RASA2: variants seen among roughly 807,000 people sequenced by gnomAD.
RASA2 encodes RAS p21 protein activator 2, also known as ras GTPase-activating protein 2.
A neutral mutation model predicts 118.2 loss-of-function variants in RASA2; 155 were observed. The observed-to-expected ratio is 1.31, with a 90% CI of 1.15 to 1.50. The LOEUF is 1.50. Among genes scored for constraint, RASA2 ranks in the 40% most tolerant of loss-of-function variants. The pLI is 0.00. For synonymous variants in RASA2, 353 were observed against 349.1 expected (o/e 1.01, Z -0.12); for missense variants, 1,016 against 1,009.6 (o/e 1.01, Z -0.09).
chr3:141,512,185 A>G lies in RASA2; in HGVS notation c.156A>G (p.Pro52=), dbSNP rs143703190. 2.0e-5 allele frequency: 32 copies of G among 1,607,624 alleles called. No individual in the cohort carries two copies. In the African/African-American group the frequency reaches 2.2e-4, roughly 11 times the overall value. ...GKICEAKNLL[P]YLGPHKMRDC... is the part of the protein sequence containing the mutation. The stretch of plus-strand genomic sequence containing the variant: ...CAGGTGAAGCAAAAAATTTATTGCC[A>G]TATCTTGGACCCCACAAAATGAGAG... Residue 52 remains proline (P), a synonymous_variant, in exon 2 of 24, where the codon CCA becomes CCG. Transcript: ENST00000286364.
rs547074099 is a variant in RASA2, at chr3:141,532,995, G to GA, written c.450+3200dup. 4.6e-5 allele frequency among the ~76,000 whole-genome samples: 7 copies of GA among 152,022 alleles called. No homozygotes were observed. In the South Asian group the frequency reaches 1.5e-3, roughly 32 times the overall value. On this transcript the variant is annotated intron_variant, in intron 4 of 23. Transcript: ENST00000286364. ...TTTGCTTTGCAAAATATAAAGGAAA[G>GA]AAAAAAACACCATTTTGAGATGCCA...
Position 141,572,061 on chromosome 3 carries a change from T to TATATATATATATAC in RASA2, c.1169+508_1169+509insTATATATATATACA, listed in dbSNP as rs1250945462. On this transcript the variant is annotated intron_variant, in intron 11 of 23. Coordinates refer to ENST00000286364, the MANE Select transcript of RASA2 (RefSeq NM_006506.5). Reference sequence around the variant, plus strand: ...ATATATATATATATATATATATATATACACACACACACACACATATGTATT... The same window carrying TATATATATATATAC: ...ATATATATATATATATATATATATATATATATATATATACACACACACACACACACATATGTATT... 1.5e-4 allele frequency among the ~76,000 whole-genome samples: 15 copies of TATATATATATATAC among 98,242 alleles called. No homozygotes were observed. The East Asian group carries it at 3.4e-3, about 22-fold the overall frequency. The allele number at this position is 98,242 out of a possible 152,430, so 64.5% of individuals were successfully genotyped here.
intron 5 of RASA2, among the ~76,000 whole-genome samples, chr3:141,543,284 C>A (rs1047939956): frequency 6.6e-6 from 1 of 151,902 alleles, no homozygotes; most frequent in South Asian, 2.1e-4. Flanking sequence ...CAACATTTTA[C>A]CAATTAGAAT....
chr3:141,606,964 T>A (rs1460047808), intron 19 of RASA2, among the ~76,000 whole-genome samples: 1 of 152,220 alleles, frequency 6.6e-6, no homozygotes, highest in African/African-American at 2.4e-5. Context: ...CTATGTGAGA[T>A]ATAATTTATT....
chr3:141,594,928 A>G (rs1281371665), intron 19 of RASA2, among the ~76,000 whole-genome samples: 1 of 152,206 alleles, frequency 6.6e-6, no homozygotes, highest in East Asian at 1.9e-4. Flanking sequence ...AATGTATAAC[A>G]TTTAATTATA....
chr3:141,491,907 C>G (rs9840697), intron 1 of RASA2, among the ~76,000 whole-genome samples: 38,491 of 151,976 alleles, frequency 0.25, 5,472 homozygotes, highest in Non-Finnish European at 0.32. Context: ...AAGTATAAAT[C>G]AAAACATTTT....
chr3:141,529,720 T>G lies in RASA2; in HGVS notation c.368T>G (p.Ile123Ser). 6.2e-7 allele frequency: 1 copy of G among 1,610,366 alleles called. No homozygotes were observed. Among genetic ancestry groups the G allele is most frequent in the Non-Finnish European group, 8.5e-7 (1 of 1,177,396 alleles). The change falls in exon 4 of 24, where the codon ATC (isoleucine) becomes AGC (serine). Residue 123 changes from isoleucine (I) to serine (S), a missense_variant. This residue lies in a region of RASA2 where 896 missense variants were observed against 836.4 expected (regional missense o/e 1.07). Coordinates refer to ENST00000286364, the MANE Select transcript of RASA2 (RefSeq NM_006506.5). The part of the protein sequence containing the change: ...QRDLRIGKVA[I>S]KKEDLCNHSG... ...TTATTTTCTGTAGGAAAAGTAGCCA[T>G]CAAAAAAGAAGACTTGTGTAATCAC... is the stretch of plus-strand genomic sequence containing the variant.
In RASA2 at chr3:141,547,212, A is replaced by AT. The variant is rs796081865; in HGVS notation, c.527+6613dup. ...TTTGTGGTTTCATATAAATTTTGGGATTTTTTTTTTCTATTTCTGTGAAGA... is the reference window on the plus strand; with the variant it reads ...TTTGTGGTTTCATATAAATTTTGGGATTTTTTTTTTTCTATTTCTGTGAAGA... On this transcript the variant is annotated intron_variant, in intron 5 of 23. Coordinates refer to ENST00000286364, the MANE Select transcript of RASA2 (RefSeq NM_006506.5). Among the ~76,000 whole-genome samples, 1,081 of 148,994 alleles carry AT rather than the reference A, an allele frequency of 7.3e-3. 15 individuals carry two copies. The highest frequency in any genetic ancestry group is 0.025 in the African/African-American group (1,005 of 40,644).
rs541048715 is a variant in RASA2 at position 141,526,345 on chromosome 3, T to TA, written c.356-3362dup. Reference sequence around the variant, plus strand: ...ATCAGAATCGTGAGGCTTTTTTTTTTATTCTATTTGTGTTTCAGAAACTTG... The same window carrying TA: ...ATCAGAATCGTGAGGCTTTTTTTTTTAATTCTATTTGTGTTTCAGAAACTTG... On this transcript the variant is annotated intron_variant, in intron 3 of 23. Transcript: ENST00000286364. Among the ~76,000 whole-genome samples the TA allele has an allele frequency of 1.4e-3, 211 of 152,144 alleles. 1 individual carries two copies. Among genetic ancestry groups the TA allele is most frequent in the African/African-American group, 4.0e-3 (168 of 41,514 alleles).
At chr3:141,532,869 T>C (rs972571361) in intron 4 of RASA2, among the ~76,000 whole-genome samples, 1 of 152,188 alleles carries the variant, frequency 6.6e-6, no homozygotes, top group African/African-American at 2.4e-5. Context: ...ACTGTGCTTA[T>C]TGAGCATAAG....
chr3:141,505,569 A>G (rs778824862), intron 1 of RASA2, among the ~76,000 whole-genome samples: 5 of 152,222 alleles, frequency 3.3e-5, no homozygotes, highest in Non-Finnish European at 5.9e-5. Flanking sequence ...CTGCTACAGC[A>G]TAATTTGTGG....
intron 7 of RASA2, among the ~76,000 whole-genome samples, chr3:141,557,863 A>G (rs922800499): frequency 2.6e-5 from 4 of 152,204 alleles, no homozygotes; most frequent in Non-Finnish European, 5.9e-5. Flanking sequence ...CAAGGTTCCA[A>G]ATCTGGAAAA....
chr3:141,524,454 G>A (rs902772037), intron 3 of RASA2, among the ~76,000 whole-genome samples: 1 of 152,074 alleles, frequency 6.6e-6, no homozygotes, highest in African/African-American at 2.4e-5. Context: ...TATGTCTATC[G>A]AAACCTCGTA....
At chr3:141,587,588 C>G (rs1398702427) in intron 19 of RASA2, among the ~76,000 whole-genome samples, 1 of 152,036 alleles carries the variant, frequency 6.6e-6, no homozygotes, top group Non-Finnish European at 1.5e-5. Flanking sequence ...GTGGCGCATG[C>G]CTGTAGTCCC....
chr3:141,579,124 G>C (rs1051143583), intron 15 of RASA2, among the ~76,000 whole-genome samples: 5 of 151,974 alleles, frequency 3.3e-5, no homozygotes, highest in African/African-American at 1.2e-4. Flanking sequence ...GTGGGGGTTG[G>C]GGGGATACTA....
At chr3:141,537,626 G>A (rs1229874580) in intron 4 of RASA2, among the ~76,000 whole-genome samples, 11 of 151,998 alleles carry the variant, frequency 7.2e-5, no homozygotes, top group Non-Finnish European at 1.6e-4. Context: ...AAAATTAGCC[G>A]GGCGTGGTGG....
Position 141,573,937 on chromosome 3 carries a change from C to T in RASA2, c.1360-7C>T. The T allele has an allele frequency of 6.4e-7, 1 of 1,562,970 alleles. No homozygotes were observed. Among genetic ancestry groups the T allele is most frequent in the Non-Finnish European group, 8.7e-7 (1 of 1,153,718 alleles). ...AATCTTAATGTTTACCTTTTTAAAT[C>T]CTGCAGGAGAATCTGCGCTACTATG... On this transcript the variant is annotated splice_region_variant and splice_polypyrimidine_tract_variant and intron_variant, in intron 13 of 23. Transcript: ENST00000286364.
In RASA2 at chr3:141,574,033, T is replaced by C. The variant is rs772636003; in HGVS notation, c.1449T>C (p.Tyr483=). The C allele has an allele frequency of 5.0e-6, 8 of 1,589,200 alleles. No individual in the cohort carries two copies. Among genetic ancestry groups the C allele is most frequent in the Non-Finnish European group, 6.9e-6 (8 of 1,163,878 alleles). The change falls in exon 14 of 24, where the codon TAT becomes TAC. Residue 483 remains tyrosine, a synonymous_variant. Transcript: ENST00000286364. ...SCPTVMCDIF[Y]SLRQMATQRF... ...CCACTGTAATGTGTGATATCTTTTA[T>C]TCTCTAAGGCAGATGGCTACTCAGA... is the stretch of plus-strand genomic sequence containing the variant.
chr3:141,515,098 GTCA>G (rs1439157838), intron 2 of RASA2, among the ~76,000 whole-genome samples: 4 of 152,108 alleles, frequency 2.6e-5, no homozygotes, highest in Non-Finnish European at 4.4e-5. Context: ...TTTATCAGAA[GTCA>G]TCAACCTCTA....
Sources: gnomAD v4.1 joint callset for allele counts (sites outside exome capture counted in the v4.1 genomes callset) on GRCh38, gnomAD v4.1.1 for gene constraint, gnomAD v4.1.1 regional missense constraint, MANE v1.5 for transcripts, NCBI Gene and HGNC (gene_info 2026-07-23, HGNC 2026-07-21) for gene names.